ANKS1A: variants seen among roughly 807,000 people sequenced by gnomAD.
The protein encoded by ANKS1A is ankyrin repeat and SAM domain-containing protein 1A.
In ANKS1A, 55 loss-of-function variants were observed where a neutral mutation model predicts 120.3. That is an observed-to-expected ratio of 0.46 (90% CI 0.37 to 0.57). The LOEUF (loss-of-function observed/expected upper bound fraction) is 0.57, where lower values mean the gene tolerates loss of function less well. ANKS1A is among the 20% of genes least tolerant of loss of function. The pLI, the probability that ANKS1A is intolerant of heterozygous loss-of-function variation, is 0.00. For synonymous variants in ANKS1A, 590 were observed against 604.7 expected (o/e 0.98, Z 0.36); for missense variants, 1,123 against 1,480.3 (o/e 0.76, Z 3.96).
At chr6:34,894,512 C>T (rs1284813988) in intron 1 of ANKS1A, among the ~76,000 whole-genome samples, 2 of 151,970 alleles carry the variant, frequency 1.3e-5, no homozygotes, top group African/African-American at 2.4e-5. Context: ...ATTAGCCAGG[C>T]GTGATGGTGT....
chr6:35,013,972 G>GCTTTAT (rs1773888415), intron 10 of ANKS1A, among the ~76,000 whole-genome samples: 3 of 152,134 alleles, frequency 2.0e-5, no homozygotes, highest in Non-Finnish European at 4.4e-5. Context: ...TGCTAGACAC[G>GCTTTAT]GTTCTTAATG....
At chr6:34,978,987 C>T (rs1236654280) in intron 3 of ANKS1A, among the ~76,000 whole-genome samples, 1 of 151,570 alleles carries the variant, frequency 6.6e-6, no homozygotes, top group Non-Finnish European at 1.5e-5. Context: ...CCTCCGCCTC[C>T]TGGGTTCACG....
At chr6:35,061,658 TG>T (rs34145969) in intron 13 of ANKS1A, among the ~76,000 whole-genome samples, 2 of 152,336 alleles carry the variant, frequency 1.3e-5, no homozygotes, top group African/African-American at 4.8e-5. Flanking sequence ...AAGCCAGCTT[TG>T]GGACAGTTAA....
chr6:35,068,607 C>G (rs936586074), intron 13 of ANKS1A, among the ~76,000 whole-genome samples: 4 of 152,216 alleles, frequency 2.6e-5, no homozygotes, highest in Non-Finnish European at 5.9e-5. Flanking sequence ...CCACATACCC[C>G]CTCTCCCCTC....
chr6:34,937,901 T>C (rs1769338933), intron 1 of ANKS1A, among the ~76,000 whole-genome samples: 1 of 152,226 alleles, frequency 6.6e-6, no homozygotes, highest in Non-Finnish European at 1.5e-5. Context: ...GCTCCCTAAC[T>C]TGGTCTGATT....
chr6:34,889,374 A>G lies in ANKS1A; in HGVS notation c.-29A>G. Reference sequence around the variant, plus strand: ...AGCAGGCTCGGCTGCAGCCTCGGGGAGGGGGTCCAGCGGGTGGCGGCCCTG... The same window carrying G: ...AGCAGGCTCGGCTGCAGCCTCGGGGGGGGGGTCCAGCGGGTGGCGGCCCTG... On this transcript the variant is annotated 5_prime_UTR_variant, in exon 1 of 24. Coordinates refer to ENST00000360359, the MANE Select transcript of ANKS1A (RefSeq NM_015245.3). The surrounding 1 kb of genome is among the most constrained non-coding windows in gnomAD (Gnocchi z 5.5). 1 of 1,250,524 alleles carries G rather than the reference A, an allele frequency of 8.0e-7. No homozygotes were observed. The highest frequency in any genetic ancestry group is 1.0e-6 in the Non-Finnish European group (1 of 999,882). 77.5% of individuals were successfully genotyped at this position (1,250,524 alleles called of 1,614,324 possible). A position where few individuals can be genotyped will look rare whatever the true frequency, so the allele number is the denominator to read the frequency against.
intron 17 of ANKS1A, 93 bp downstream of exon 17, chr6:35,081,251 A>G (rs1477251876): frequency 1.4e-6 from 2 of 1,430,390 alleles, no homozygotes; most frequent in Non-Finnish European, 1.8e-6. Context: ...CCCATACTTG[A>G]GCACAGTTGG....
chr6:35,091,793 T>G (rs1581775580), downstream of ANKS1A, among the ~76,000 whole-genome samples: 2 of 152,310 alleles, frequency 1.3e-5, no homozygotes, highest in Middle Eastern at 3.4e-3. Context: ...TGAAAGAAAG[T>G]GCTCTCCTTT....
chr6:34,911,328 C>T (rs889457821), intron 1 of ANKS1A, among the ~76,000 whole-genome samples: 17 of 152,130 alleles, frequency 1.1e-4, no homozygotes, highest in Non-Finnish European at 7.3e-5. Context: ...AAAGCCAAAT[C>T]GGTACTTTTT....
intron 1 of ANKS1A, among the ~76,000 whole-genome samples, chr6:34,938,083 G>T (rs1355242184): frequency 6.6e-6 from 1 of 152,098 alleles, no homozygotes; most frequent in Non-Finnish European, 1.5e-5. Context: ...GCTGGGAAAG[G>T]TCTGATATGT....
intron 14 of ANKS1A, 152 bp from the exon 15 acceptor site, chr6:35,079,364 C>A: frequency 1.2e-6 from 1 of 851,194 alleles, no homozygotes; most frequent in Non-Finnish European, 1.8e-6. Context: ...ATAGGAAAGG[C>A]TGTGCGAAGT....
Position 35,086,339 on chromosome 6 carries a change from C to T in ANKS1A, c.3303+403C>T. Reference sequence around the variant, plus strand: ...CACCACCCACCGTCCTTCCTACCTACCGCTGCCATCTGTTAGTCCTGGAGT... The same window carrying T: ...CACCACCCACCGTCCTTCCTACCTATCGCTGCCATCTGTTAGTCCTGGAGT... On this transcript the variant is annotated intron_variant, in intron 22 of 23. Coordinates refer to ENST00000360359, the MANE Select transcript of ANKS1A (RefSeq NM_015245.3). This position sits in a 1 kb window ranked among gnomAD's most constrained non-coding sequence, Gnocchi z 5.1. 2 of 1,299,856 alleles carry T rather than the reference C, an allele frequency of 1.5e-6. No homozygotes were observed. Among genetic ancestry groups the T allele is most frequent in the Non-Finnish European group, 2.0e-6 (2 of 995,990 alleles). The allele number at this position is 1,299,856 out of a possible 1,614,324, so 80.5% of individuals were successfully genotyped here.
intron 10 of ANKS1A, among the ~76,000 whole-genome samples, chr6:35,003,727 T>C (rs1298718557): frequency 2.6e-5 from 4 of 152,190 alleles, no homozygotes; most frequent in Non-Finnish European, 4.4e-5. Context: ...GTGTACTATA[T>C]GAATCACTAT....
At chr6:35,039,975 A>G (rs1247071089) in intron 11 of ANKS1A, among the ~76,000 whole-genome samples, 1 of 152,168 alleles carries the variant, frequency 6.6e-6, no homozygotes, top group Admixed American at 6.5e-5. Flanking sequence ...CTCACATGGC[A>G]GAATATATGT....
intron 1 of ANKS1A, among the ~76,000 whole-genome samples, chr6:34,900,845 T>G (rs1024402439): frequency 1.4e-5 from 2 of 147,528 alleles, no homozygotes; most frequent in Non-Finnish European, 3.0e-5. Flanking sequence ...GTAGGCTCAT[T>G]AAAAAAAAAA....
At position 34,981,959 on chromosome 6, in the gene ANKS1A, C is replaced by G; in HGVS notation, c.705C>G (p.Leu235=). 6.2e-7 allele frequency: 1 copy of G among 1,614,138 alleles called. No homozygotes were observed. Among genetic ancestry groups the G allele is most frequent in the Non-Finnish European group, 8.5e-7 (1 of 1,180,020 alleles). The change falls in exon 4 of 24, where the codon CTC becomes CTG. Residue 235 remains leucine (L), a synonymous_variant. Coordinates refer to ENST00000360359, the MANE Select transcript of ANKS1A (RefSeq NM_015245.3). The part of the protein sequence containing the change: ...NGHKAVVQVL[L]DAGMDSNYQT... ...ACAAAGCCGTGGTCCAGGTCCTCCT[C>G]GATGCTGGCATGGACAGCAACTACC...
At chr6:34,933,487 C>A (rs977557951) in intron 1 of ANKS1A, among the ~76,000 whole-genome samples, 2 of 152,230 alleles carry the variant, frequency 1.3e-5, no homozygotes, top group African/African-American at 4.8e-5. Flanking sequence ...TCTCCTGCCT[C>A]AGCCTCCCAA....
At chr6:35,007,210 G>A (rs1773509898) in intron 10 of ANKS1A, among the ~76,000 whole-genome samples, 1 of 152,152 alleles carries the variant, frequency 6.6e-6, no homozygotes, top group Non-Finnish European at 1.5e-5. Flanking sequence ...GGAATGCTAA[G>A]CATCCTGTAC....
intron 8 of ANKS1A, among the ~76,000 whole-genome samples, chr6:34,987,757 A>G (rs1303502726): frequency 3.9e-5 from 6 of 152,248 alleles, no homozygotes; most frequent in Non-Finnish European, 8.8e-5. Flanking sequence ...CTCCTAAAAC[A>G]TGAGAAACAT....
Sources: gnomAD v4.1 joint callset for allele counts (sites outside exome capture counted in the v4.1 genomes callset) on GRCh38, gnomAD v4.1.1 for gene constraint, Gnocchi (gnomAD v3.1) non-coding constraint, MANE v1.5 for transcripts, NCBI Gene and HGNC (gene_info 2026-07-23, HGNC 2026-07-21) for gene names.